RAB6A: variants seen among roughly 807,000 people sequenced by gnomAD.
RAB6A encodes the protein RAB6A, member RAS oncogene family, also known as ras-related protein Rab-6A.
In RAB6A, 8 loss-of-function variants were observed where a neutral mutation model predicts 32.3. The ratio of observed to expected loss-of-function variants is 0.25; its 90% CI spans 0.15 to 0.45. The LOEUF is 0.45. Among genes scored for constraint, RAB6A ranks in the 20% least tolerant of loss-of-function variants. The probability of loss-of-function intolerance (pLI) is 1.00; values close to 1 mark genes in which losing one functional copy is unlikely to be tolerated. For missense variants in RAB6A, 104 were observed against 249.4 expected, an observed-to-expected ratio of 0.42 and a Z score of 3.93; for synonymous variants, 73 against 82.1, an observed-to-expected ratio of 0.89 and a Z score of 0.60.
intron 4 of RAB6A, among the ~76,000 whole-genome samples, chr11:73,717,058 T>C (rs957949113): frequency 2.6e-5 from 4 of 152,212 alleles, no homozygotes; most frequent in Admixed American, 6.5e-5. Context: ...AGCACAAACA[T>C]TTTAAAGCTA....
chr11:73,717,749 C>CTAGCA (rs1199770745), intron 4 of RAB6A, among the ~76,000 whole-genome samples: 5 of 152,224 alleles, frequency 3.3e-5, no homozygotes, highest in Non-Finnish European at 7.3e-5. Context: ...CGGCCTAAAC[C>CTAGCA]TAGCACTTTA....
At chr11:73,748,071 A>C (rs1317911345) in intron 1 of RAB6A, among the ~76,000 whole-genome samples, 1 of 152,222 alleles carries the variant, frequency 6.6e-6, no homozygotes, top group Non-Finnish European at 1.5e-5. Flanking sequence ...TTTGCCCACC[A>C]ATTTTAAAAT....
At chr11:73,714,972 A>G (rs1014498003) in intron 5 of RAB6A, among the ~76,000 whole-genome samples, 10 of 152,200 alleles carry the variant, frequency 6.6e-5, no homozygotes, top group African/African-American at 2.4e-4. Context: ...TCCCAAAAAA[A>G]GAAAAGTACC....
intron 1 of RAB6A, 82 bp downstream of exon 1, chr11:73,760,484 C>A: frequency 6.7e-7 from 1 of 1,501,796 alleles, no homozygotes; most frequent in Non-Finnish European, 9.0e-7. Flanking sequence ...GGCAGGGAGC[C>A]TCCGCGGACG....
intron 6 of RAB6A, among the ~76,000 whole-genome samples, chr11:73,701,661 T>C (rs912729374): frequency 1.4e-5 from 2 of 146,040 alleles, no homozygotes; most frequent in African/African-American, 5.6e-5. Flanking sequence ...GTGTTTTTTG[T>C]TTTTTATTTT....
chr11:73,704,326 T>C, intron 6 of RAB6A: 2 of 255,582 alleles, frequency 7.8e-6, no homozygotes, highest in Admixed American at 4.0e-5. Context: ...AAGGCTGCAA[T>C]GAGCTGTGAT....
intron 6 of RAB6A, among the ~76,000 whole-genome samples, chr11:73,689,000 G>A (rs1945502990): frequency 6.6e-6 from 1 of 152,094 alleles, no homozygotes; most frequent in Non-Finnish European, 1.5e-5. Flanking sequence ...GTAGGCTCCT[G>A]TAGTCCAAGC....
Position 73,743,915 on chromosome 11 carries a change from C to G in RAB6A, c.71-13092G>C, listed in dbSNP as rs368521866. Among the ~76,000 whole-genome samples the G allele has an allele frequency of 2.0e-5, 3 of 152,258 alleles. No homozygotes were observed. The East Asian group carries it at 5.8e-4, about 29-fold the overall frequency. On this transcript the variant is annotated intron_variant, in intron 1 of 7. Coordinates refer to ENST00000336083, the MANE Select transcript of RAB6A (RefSeq NM_198896.2). ...ACTTTCAGCCTAAGATTGCATCTCT[C>G]TAAGAATTTTAGATCAGCCAGGTGC...
intron 1 of RAB6A, among the ~76,000 whole-genome samples, chr11:73,739,304 T>TATATATATAAAA (rs375733945): frequency 3.1e-5 from 1 of 31,856 alleles, no homozygotes; most frequent in African/African-American, 8.0e-5. Context: ...TATATATATA[T>TATATATATAAAA]AAATACTGGA....
intron 1 of RAB6A, among the ~76,000 whole-genome samples, chr11:73,731,684 T>TTATATA (rs1157961323): frequency 0.01 from 148 of 14,242 alleles, no homozygotes; most frequent in Non-Finnish European, 0.012. Flanking sequence ...TAGATAGATA[T>TTATATA]TATATATATA....
intron 6 of RAB6A, among the ~76,000 whole-genome samples, chr11:73,690,698 A>T (rs1487417406): frequency 4.8e-4 from 9 of 18,682 alleles, no homozygotes; most frequent in Admixed American, 1.5e-3. Flanking sequence ...GTAACATCTT[A>T]AAAAAAAAAA....
At position 73,744,565 on chromosome 11, in the gene RAB6A, A is replaced by C. The variant is rs1946554805; in HGVS notation, c.71-13742T>G. Among the ~76,000 whole-genome samples, 4 of 148,746 alleles carry C rather than the reference A, an allele frequency of 2.7e-5. No homozygotes were observed. In the South Asian group the frequency reaches 8.5e-4, roughly 32 times the overall value. ...AAAAAAAAGAATTTTAGATGGCAGCAGGACTTTTATTTTACTCCTACAACA... is the reference window on the plus strand; with the variant it reads ...AAAAAAAAGAATTTTAGATGGCAGCCGGACTTTTATTTTACTCCTACAACA... On this transcript the variant is annotated intron_variant, in intron 1 of 7. Coordinates refer to ENST00000336083, the MANE Select transcript of RAB6A (RefSeq NM_198896.2).
intron 5 of RAB6A, among the ~76,000 whole-genome samples, chr11:73,707,993 A>G (rs934724364): frequency 6.6e-6 from 1 of 152,226 alleles, no homozygotes; most frequent in Non-Finnish European, 1.5e-5. Context: ...ATCTTTGTGT[A>G]AAACAATTTT....
chr11:73,715,749 G>A (rs1946042170), intron 5 of RAB6A, among the ~76,000 whole-genome samples: 2 of 152,074 alleles, frequency 1.3e-5, no homozygotes, highest in South Asian at 2.1e-4. Context: ...TTTGACTAAG[G>A]TATCACAATC....
At chr11:73,691,727 G>A (rs1027635384) in intron 6 of RAB6A, among the ~76,000 whole-genome samples, 5 of 152,172 alleles carry the variant, frequency 3.3e-5, no homozygotes, top group Non-Finnish European at 5.9e-5. Flanking sequence ...TTGGGAGGCC[G>A]AGGCAGGCGG....
At chr11:73,759,309 T>C (rs1946806582) in intron 1 of RAB6A, among the ~76,000 whole-genome samples, 1 of 152,048 alleles carries the variant, frequency 6.6e-6, no homozygotes, top group African/African-American at 2.4e-5. Context: ...TTGTCGAGTG[T>C]CAAGTTTGTA....
Position 73,677,318 on chromosome 11 carries a change from A to T in RAB6A, c.*580T>A, listed in dbSNP as rs10898931. On this transcript the variant is annotated 3_prime_UTR_variant, in exon 8 of 8. Coordinates refer to ENST00000336083, the MANE Select transcript of RAB6A (RefSeq NM_198896.2). ...TTGACCTCAAAGAAGACCGTAATTTATATCAGTGCTCAAGAATAATTTTGG... is the reference window on the plus strand; with the variant it reads ...TTGACCTCAAAGAAGACCGTAATTTTTATCAGTGCTCAAGAATAATTTTGG... 75,231 of 168,640 alleles carry T rather than the reference A, an allele frequency of 0.45. 20,102 individuals carry two copies. Among genetic ancestry groups the T allele is most frequent in the East Asian group, 0.6 (3,111 of 5,190 alleles). The allele number at this position is 168,640 out of a possible 1,614,324, so 10.4% of individuals were successfully genotyped here. A position where few individuals can be genotyped will look rare whatever the true frequency, so the allele number is the denominator to read the frequency against.
intron 1 of RAB6A, among the ~76,000 whole-genome samples, chr11:73,738,583 C>T (rs545383029): frequency 2.0e-5 from 3 of 152,248 alleles, no homozygotes; most frequent in African/African-American, 7.2e-5. Flanking sequence ...CAGGAGTTTG[C>T]AACTACTATA....
chr11:73,705,767 TGAGAGAGAGAGAGAGAGAGA>T (rs3046616), intron 6 of RAB6A, among the ~76,000 whole-genome samples: 3 of 134,728 alleles, frequency 2.2e-5, no homozygotes, highest in Admixed American at 7.6e-5. Context: ...ATAATTCCGA[TGAGAGAGAGAGAGAGAGAGA>T]GAGAGAGAGA....
Sources: gnomAD v4.1 joint callset for allele counts (sites outside exome capture counted in the v4.1 genomes callset) on GRCh38, gnomAD v4.1.1 for gene constraint, MANE v1.5 for transcripts, NCBI Gene and HGNC (gene_info 2026-07-23, HGNC 2026-07-21) for gene names.